GGA2: variants seen among roughly 807,000 people sequenced by gnomAD.
GGA2 encodes golgi associated, gamma adaptin ear containing, ARF binding protein 2.
GGA2 carries 48 observed loss-of-function variants against 79.5 expected under a neutral mutation model. The observed-to-expected ratio is 0.60, with a 90% CI of 0.48 to 0.77. The LOEUF (loss-of-function observed/expected upper bound fraction) is 0.77, where lower values mean the gene tolerates loss of function less well. Among genes scored for constraint, GGA2 ranks in the 30% least tolerant of loss-of-function variants. The pLI, the probability that GGA2 is intolerant of heterozygous loss-of-function variation, is 0.00. For missense variants in GGA2, 770 were observed against 774.0 expected (o/e 0.99, Z 0.06); for synonymous variants, 317 against 302.0 (o/e 1.05, Z -0.51).
chr16:23,478,148 G>A (rs565326037), intron 13 of GGA2, among the ~76,000 whole-genome samples: 5 of 147,380 alleles, frequency 3.4e-5, no homozygotes, highest in East Asian at 2.0e-4. Context: ...GTAGTGAGCC[G>A]AGATTGTGCC....
At chr16:23,493,639 G>A (rs1002378060) in intron 3 of GGA2, 181 bp from the exon 4 acceptor site, 11 of 585,498 alleles carry the variant, frequency 1.9e-5, no homozygotes, top group Admixed American at 2.9e-5. Flanking sequence ...AATGTCCCCT[G>A]TTCAATCTTG....
At chr16:23,496,767 GCCAA>G (rs1964861498) in intron 1 of GGA2, among the ~76,000 whole-genome samples, 2 of 152,132 alleles carry the variant, frequency 1.3e-5, no homozygotes, top group African/African-American at 4.8e-5. Flanking sequence ...GACCAGCCTT[GCCAA>G]CATGGTGAAA....
chr16:23,468,241 G>A (rs546756131), intron 16 of GGA2, among the ~76,000 whole-genome samples: 2 of 151,996 alleles, frequency 1.3e-5, no homozygotes, highest in African/African-American at 2.4e-5. Context: ...GCAGTGGTGC[G>A]ATCTTGGCTC....
Position 23,473,114 on chromosome 16 carries a change from C to T in GGA2, c.1450+1790G>A, listed in dbSNP as rs927958806. 5.3e-5 allele frequency among the ~76,000 whole-genome samples: 8 copies of T among 149,922 alleles called. 1 individual carries two copies. The highest frequency in any genetic ancestry group is 2.0e-4 in the African/African-American group (8 of 40,846). The stretch of plus-strand genomic sequence containing the variant: ...ATATATATATAAGTTCATTAAAAAT[C>T]AAGTTTTTAAAGAACAACTAAGGGC... On this transcript the variant is annotated intron_variant, in intron 14 of 16. Coordinates refer to ENST00000309859, the MANE Select transcript of GGA2 (RefSeq NM_015044.4).
intron 1 of GGA2, among the ~76,000 whole-genome samples, chr16:23,499,927 T>A (rs781782058): frequency 6.6e-6 from 1 of 152,138 alleles, no homozygotes; most frequent in East Asian, 1.9e-4. Context: ...CGCATCACGA[T>A]GGGAACAGGG....
intron 8 of GGA2, among the ~76,000 whole-genome samples, chr16:23,484,904 T>G (rs1169604242): frequency 6.6e-6 from 1 of 152,182 alleles, no homozygotes; most frequent in Non-Finnish European, 1.5e-5. Context: ...ACATAAAAAC[T>G]TGGACAAAGT....
chr16:23,494,001 G>A, intron 3 of GGA2: 1 of 431,476 alleles, frequency 2.3e-6, no homozygotes, highest in African/African-American at 2.0e-5. Context: ...TGCTAGAACT[G>A]CCCTCTCTAG....
chr16:23,495,207 CCTTTTT>C (rs1304507133), intron 2 of GGA2: 4 of 152,390 alleles, frequency 2.6e-5, no homozygotes, highest in African/African-American at 7.2e-5. Context: ...TTCCCCTTTT[CCTTTTT>C]CTTAAAATTA....
intron 13 of GGA2, among the ~76,000 whole-genome samples, chr16:23,478,114 G>T (rs897351029): frequency 4.7e-5 from 7 of 150,190 alleles, no homozygotes; most frequent in African/African-American, 1.7e-4. Flanking sequence ...CAGGAGAATC[G>T]CTTGAACTCA....
At chr16:23,512,736 G>A (rs1445288923), upstream of GGA2, among the ~76,000 whole-genome samples, 4 of 103,798 alleles carry the variant, frequency 3.9e-5, no homozygotes, top group Admixed American at 1.6e-4. Flanking sequence ...TTTGAGTCTC[G>A]CTCTGTTGCC....
chr16:23,488,751 C>G, intron 5 of GGA2, 42 bp from the exon 6 acceptor site: 1 of 1,075,086 alleles, frequency 9.3e-7, no homozygotes, highest in Non-Finnish European at 1.4e-6. Context: ...GATATGGTAC[C>G]CAGAAACTTC....
upstream of GGA2, among the ~76,000 whole-genome samples, chr16:23,512,609 C>T (rs574142964): frequency 2.0e-4 from 31 of 151,910 alleles, no homozygotes; most frequent in African/African-American, 7.5e-4. Flanking sequence ...CTTGCACATC[C>T]ATTTCAACAT....
At chr16:23,494,742 A>C (rs770720448) in intron 2 of GGA2, among the ~76,000 whole-genome samples, 39 of 152,354 alleles carry the variant, frequency 2.6e-4, no homozygotes, top group South Asian at 8.3e-4. Flanking sequence ...AAGTGCGATC[A>C]AACTCTGGGT....
chr16:23,472,878 C>T (rs1343264813), intron 14 of GGA2, among the ~76,000 whole-genome samples: 1 of 151,184 alleles, frequency 6.6e-6, no homozygotes, highest in Non-Finnish European at 1.5e-5. Flanking sequence ...ACTAAAAATA[C>T]AAAAAAGTAG....
intron 1 of GGA2, chr16:23,519,643 C>T: frequency 2.4e-6 from 1 of 414,552 alleles, no homozygotes; most frequent in South Asian, 1.7e-5. Context: ...AGGCAGCCTG[C>T]AGAGGGAAAA....
upstream of GGA2, among the ~76,000 whole-genome samples, chr16:23,513,722 T>C (rs986376170): frequency 4.9e-5 from 7 of 143,060 alleles, no homozygotes; most frequent in Non-Finnish European, 1.1e-4. Context: ...GAGGCGGAGG[T>C]TGCAGTGAGC....
At chr16:23,502,285 G>A (rs145026714) in intron 1 of GGA2, among the ~76,000 whole-genome samples, 74 of 152,292 alleles carry the variant, frequency 4.9e-4, no homozygotes, top group African/African-American at 1.6e-3. Flanking sequence ...AGGCCCCTAC[G>A]TCATGATTAT....
At chr16:23,519,803 G>A (rs1223980763) in intron 1 of GGA2, among the ~76,000 whole-genome samples, 1 of 152,172 alleles carries the variant, frequency 6.6e-6, no homozygotes, top group Non-Finnish European at 1.5e-5. Flanking sequence ...AGATCTGTGA[G>A]AGTCCTAATT....
At chr16:23,488,770 T>C (rs1964746950) in intron 5 of GGA2, 61 bp from the exon 6 acceptor site, 3 of 955,454 alleles carry the variant, frequency 3.1e-6, no homozygotes, top group Non-Finnish European at 5.1e-6. Flanking sequence ...TCAGTCAGAA[T>C]CCAGTATAAA....
Sources: gnomAD v4.1 joint callset for allele counts (sites outside exome capture counted in the v4.1 genomes callset) on GRCh38, gnomAD v4.1.1 for gene constraint, MANE v1.5 for transcripts, NCBI Gene and HGNC (gene_info 2026-07-23, HGNC 2026-07-21) for gene names.